Variants in TRANK1 observed in about 807,000 individuals in gnomAD.
TRANK1 encodes the protein tetratricopeptide repeat and ankyrin repeat containing 1, also known as TPR and ankyrin repeat-containing protein 1.
TRANK1 carries 198 observed loss-of-function variants against 266.0 expected under a neutral mutation model. The ratio of observed to expected loss-of-function variants is 0.74; its 90% CI spans 0.66 to 0.84. The LOEUF (loss-of-function observed/expected upper bound fraction) is 0.84, where lower values mean the gene tolerates loss of function less well. TRANK1 is among the 40% of genes least tolerant of loss of function. TRANK1 has a pLI of 0.00. For missense variants in TRANK1, 3,326 were observed against 3,634.6 expected, an observed-to-expected ratio of 0.92 and a Z score of 2.18; for synonymous variants, 1,396 against 1,384.1, an observed-to-expected ratio of 1.01 and a Z score of -0.19.
At chr3:36,920,110 C>G (rs1030858088) in intron 1 of TRANK1, among the ~76,000 whole-genome samples, 1 of 152,188 alleles carries the variant, frequency 6.6e-6, no homozygotes, top group Non-Finnish European at 1.5e-5. Context: ...TCTTAAAATG[C>G]TTTACCAATA....
At chr3:36,930,973 C>T (rs2080353608) in intron 1 of TRANK1, among the ~76,000 whole-genome samples, 1 of 151,998 alleles carries the variant, frequency 6.6e-6, no homozygotes, top group African/African-American at 2.4e-5. Flanking sequence ...AAGAAAAGCA[C>T]TAACAGAAAA....
intron 11 of TRANK1, 104 bp downstream of exon 11, chr3:36,860,802 T>C: frequency 6.8e-7 from 1 of 1,464,292 alleles, no homozygotes; most frequent in Non-Finnish European, 9.1e-7. Flanking sequence ...GAGGGTGAAC[T>C]TCATGGTGCC....
intron 1 of TRANK1, among the ~76,000 whole-genome samples, chr3:36,935,440 GAATT>G: frequency 7.4e-6 from 1 of 135,438 alleles, no homozygotes; most frequent in African/African-American, 2.8e-5. Flanking sequence ...GAAGATGCCT[GAATT>G]CTTTTTTTTT....
chr3:36,835,862 T>C (rs183254597), intron 20 of TRANK1, among the ~76,000 whole-genome samples: 6 of 152,328 alleles, frequency 3.9e-5, no homozygotes, highest in African/African-American at 1.4e-4. Context: ...ACATGGCTAA[T>C]GGCTACTGTA....
At position 36,855,562 on chromosome 3, in the gene TRANK1, T is replaced by G. The variant is rs866517532; in HGVS notation, c.4160A>C (p.Asp1387Ala). 1.9e-6 allele frequency: 3 copies of G among 1,613,706 alleles called. No homozygotes were observed. Among genetic ancestry groups the G allele is most frequent in the African/African-American group, 1.3e-5 (1 of 74,936 alleles). The stretch of plus-strand genomic sequence containing the variant: ...GAAGAGGCTGTAGATCTCACTCCGG[T>G]CTTCCTTGAAATTGGGGCACCGTTT... ...GRKRCPNFKE[D>A]RSEIYSLFSL... The change falls in exon 13 of 24, where the codon GAC (aspartate) becomes GCC (alanine). Residue 1387 changes from aspartate (D) to alanine (A), a missense_variant. By Grantham distance (126) the Asp-to-Ala change is moderately radical (BLOSUM62 -2). Transcript: ENST00000645898.
chr3:36,934,697 G>C (rs2080401008), intron 1 of TRANK1, among the ~76,000 whole-genome samples: 1 of 152,160 alleles, frequency 6.6e-6, no homozygotes, highest in African/African-American at 2.4e-5. Context: ...TGAATCCTAT[G>C]TGCCATTCCC....
chr3:36,944,647 GC>G (rs2080546849), intron 1 of TRANK1, 139 bp downstream of exon 1: 1 of 995,548 alleles, frequency 1.0e-6, no homozygotes, highest in Admixed American at 2.9e-5. Context: ...ATGGCTGTGG[GC>G]CCCACAGGGA....
intron 1 of TRANK1, among the ~76,000 whole-genome samples, chr3:36,918,530 A>AGAAG (rs1291730952): frequency 8.5e-4 from 16 of 18,786 alleles, no homozygotes; most frequent in East Asian, 4.6e-3. Context: ...AAAGAAAGAA[A>AGAAG]GAAGGAAGGA....
Position 36,832,377 on chromosome 3 carries a change from G to A in TRANK1, c.7206C>T (p.Thr2402=), listed in dbSNP as rs2078708280. 6.2e-7 allele frequency: 1 copy of A among 1,613,790 alleles called. No homozygotes were observed. Among genetic ancestry groups the A allele is most frequent in the African/African-American group, 1.3e-5 (1 of 74,864 alleles). The part of the protein sequence containing the change: ...PNRDDENMDK[T]HLCFIRLLEN... The stretch of plus-strand genomic sequence containing the variant: ...CCAGAAGCCGGATGAAGCACAGGTG[G>A]GTCTTGTCCATATTTTCATCATCCC... Residue 2402 remains threonine (T), a synonymous_variant, in exon 22 of 24, where the codon ACC becomes ACT. Coordinates refer to ENST00000645898, the MANE Select transcript of TRANK1 (RefSeq NM_001329998.2).
At chr3:36,937,828 C>A (rs536552252) in intron 1 of TRANK1, among the ~76,000 whole-genome samples, 1 of 152,214 alleles carries the variant, frequency 6.6e-6, no homozygotes, top group South Asian at 2.1e-4. Flanking sequence ...AAAGGGAGTA[C>A]ACCAGGCACT....
intron 8 of TRANK1, among the ~76,000 whole-genome samples, chr3:36,875,541 G>A (rs2079375061): frequency 2.6e-5 from 4 of 152,166 alleles, no homozygotes; most frequent in Non-Finnish European, 5.9e-5. Context: ...AAGACACTGA[G>A]CAGAAAACTC....
At chr3:36,924,465 A>G (rs531939317) in intron 1 of TRANK1, among the ~76,000 whole-genome samples, 2 of 152,230 alleles carry the variant, frequency 1.3e-5, no homozygotes, top group Non-Finnish European at 2.9e-5. Context: ...TCTGGGCTAC[A>G]TTCTAAAGCA....
chr3:36,855,472 A>T lies in TRANK1; in HGVS notation c.4250T>A (p.Ile1417Lys). 1.9e-6 allele frequency: 3 copies of T among 1,613,968 alleles called. No individual in the cohort carries two copies. The highest frequency in any genetic ancestry group is 2.5e-6 in the Non-Finnish European group (3 of 1,179,870). ...YFDEEDVLYN[I>K]SRRLSKLRVL... ...CCTGAGCTTCGACAGCCTCCGGGAT[A>T]TGTTGTACAGAACATCCTCTTCATC... The change falls in exon 13 of 24, where the codon ATA becomes AAA. Residue 1417 changes from isoleucine to lysine, a missense_variant. Transcript: ENST00000645898.
Position 36,838,396 on chromosome 3 carries a change from G to A in TRANK1, c.5493C>T (p.Ala1831=). 1 of 1,613,984 alleles carries A rather than the reference G, an allele frequency of 6.2e-7. No homozygotes were observed. The highest frequency in any genetic ancestry group is 1.1e-5 in the South Asian group (1 of 91,080). ...LSYAKEFQLS[A]QLCERLGKIR... is the part of the protein sequence containing the mutation. ...CCTTTCCCAGCCTCTCGCACAGCTG[G>A]GCAGAGAGCTGGAACTCCTTGGCAT... The change falls in exon 20 of 24, where the codon GCC becomes GCT. Residue 1831 remains alanine, a synonymous_variant. Transcript: ENST00000645898.
chr3:36,879,842 A>G lies in TRANK1; in HGVS notation c.908-5546T>C, dbSNP rs868357437. ...TATACAAATATATGTAAATATACAA[A>G]TATATGTAAATATACAAATATATGT... On this transcript the variant is annotated intron_variant, in intron 8 of 23. Coordinates refer to ENST00000645898, the MANE Select transcript of TRANK1 (RefSeq NM_001329998.2). 1.8e-4 allele frequency among the ~76,000 whole-genome samples: 21 copies of G among 114,248 alleles called. 3 individuals are homozygous for G. The South Asian group carries it at 4.5e-3, about 25-fold the overall frequency. 75.0% of individuals were successfully genotyped at this position (114,248 alleles called of 152,430 possible). A position where few individuals can be genotyped will look rare whatever the true frequency, so the allele number is the denominator to read the frequency against.
At chr3:36,877,018 C>G (rs1424964358) in intron 8 of TRANK1, among the ~76,000 whole-genome samples, 1 of 152,156 alleles carries the variant, frequency 6.6e-6, no homozygotes, top group South Asian at 2.1e-4. Flanking sequence ...ACAAACAAAG[C>G]TGAAGATTTC....
At chr3:36,876,006 A>T (rs754105163) in intron 8 of TRANK1, among the ~76,000 whole-genome samples, 86 of 152,380 alleles carry the variant, frequency 5.6e-4, no homozygotes, top group Admixed American at 2.2e-3. Flanking sequence ...AAAATTCCAG[A>T]TGTCAACTTA....
At position 36,832,051 on chromosome 3, in the gene TRANK1, T is replaced by G. The variant is rs563276435; in HGVS notation, c.7532A>C (p.Lys2511Thr). Residue 2511 changes from lysine (K) to threonine (T), a missense_variant, in exon 22 of 24, where the codon AAA becomes ACA. Coordinates refer to ENST00000645898, the MANE Select transcript of TRANK1 (RefSeq NM_001329998.2). ...GDVFSIIQEY[K>T]PKDVTRAIQD... ...AATGGCTCTTGTCACGTCCTTGGGTTTGTATTCCTGAATGATGGAGAACAC... is the reference window on the plus strand; with the variant it reads ...AATGGCTCTTGTCACGTCCTTGGGTGTGTATTCCTGAATGATGGAGAACAC... The G allele has an allele frequency of 1.2e-6, 2 of 1,614,036 alleles. No individual in the cohort carries two copies. Among genetic ancestry groups the G allele is most frequent in the East Asian group, 4.5e-5 (2 of 44,882 alleles).
intron 1 of TRANK1, among the ~76,000 whole-genome samples, chr3:36,934,174 G>A (rs986230576): frequency 2.0e-5 from 3 of 152,210 alleles, no homozygotes; most frequent in African/African-American, 7.2e-5. Context: ...GCCCTTTCCT[G>A]GGAGTTTCTT....
Sources: allele counts gnomAD v4.1 joint callset (sites outside exome capture counted in the v4.1 genomes callset), GRCh38; gene constraint gnomAD v4.1.1; transcripts MANE v1.5; gene names NCBI Gene and HGNC (gene_info 2026-07-23, HGNC 2026-07-21).